Variants in GRM8 observed in about 807,000 individuals in gnomAD.
GRM8 encodes metabotropic glutamate receptor 8.
Under a neutral mutation model 87.2 loss-of-function variants are expected in GRM8, and 47 were observed. That is an observed-to-expected ratio of 0.54 (90% CI 0.43 to 0.69). The LOEUF (loss-of-function observed/expected upper bound fraction) is 0.69, where lower values mean the gene tolerates loss of function less well. Ranked by LOEUF, GRM8 falls within the 30% of genes least tolerant of loss-of-function variation. GRM8 has a pLI of 0.00. For missense variants in GRM8, 1,019 were observed against 1,139.2 expected (o/e 0.89, Z 1.52); for synonymous variants, 396 against 404.5 (o/e 0.98, Z 0.25).
intron 7 of GRM8, among the ~76,000 whole-genome samples, chr7:126,657,475 C>A (rs1804652692): frequency 6.6e-6 from 1 of 152,154 alleles, no homozygotes; most frequent in Non-Finnish European, 1.5e-5. Context: ...AATTACACAG[C>A]ATTAGTAAAC....
At chr7:126,855,301 G>GTATATTTTATT (rs1797573934) in intron 6 of GRM8, among the ~76,000 whole-genome samples, 1 of 152,044 alleles carries the variant, frequency 6.6e-6, no homozygotes, top group Non-Finnish European at 1.5e-5. Flanking sequence ...CATTGTGCTA[G>GTATATTTTATT]CTAACTTGCA....
At chr7:126,661,427 T>G (rs180920523) in intron 7 of GRM8, among the ~76,000 whole-genome samples, 1 of 152,218 alleles carries the variant, frequency 6.6e-6, no homozygotes, top group African/African-American at 2.4e-5. Context: ...GGTTTCTAAG[T>G]GTACCCTTGT....
At position 127,225,323 on chromosome 7, in the gene GRM8, C is replaced by T. The variant is rs1797252052; in HGVS notation, c.510+17372G>A. On this transcript the variant is annotated intron_variant, in intron 2 of 10. Coordinates refer to ENST00000339582, the MANE Select transcript of GRM8 (RefSeq NM_000845.3). ...CTTATGGAAGGCTCTTCTCAAAGCCCGCAGGCTGACCTGCCAGCACACCCA... is the reference window on the plus strand; with the variant it reads ...CTTATGGAAGGCTCTTCTCAAAGCCTGCAGGCTGACCTGCCAGCACACCCA... 3.3e-5 allele frequency among the ~76,000 whole-genome samples: 5 copies of T among 152,286 alleles called. No individual in the cohort carries two copies. The South Asian group carries it at 8.3e-4, about 25-fold the overall frequency.
At chr7:127,027,248 T>C (rs184276221) in intron 3 of GRM8, among the ~76,000 whole-genome samples, 12 of 152,304 alleles carry the variant, frequency 7.9e-5, no homozygotes, top group African/African-American at 2.6e-4. Flanking sequence ...CCTTGTAGTA[T>C]AGTTTGAAGT....
chr7:127,031,828 A>G (rs1172158710), intron 3 of GRM8, among the ~76,000 whole-genome samples: 3 of 152,148 alleles, frequency 2.0e-5, no homozygotes, highest in African/African-American at 7.2e-5. Flanking sequence ...CTTAAGCTCC[A>G]TAAGTGCCTG....
chr7:126,487,135 T>G (rs1807462745), intron 9 of GRM8, among the ~76,000 whole-genome samples: 1 of 152,004 alleles, frequency 6.6e-6, no homozygotes, highest in African/African-American at 2.4e-5. Flanking sequence ...TATTGAGGAG[T>G]GGCTTCTTTT....
At chr7:127,249,917 T>C (rs1471256615) in intron 1 of GRM8, among the ~76,000 whole-genome samples, 2 of 152,174 alleles carry the variant, frequency 1.3e-5, no homozygotes, top group Non-Finnish European at 2.9e-5. Flanking sequence ...GTCTTGGCTG[T>C]GGGTCCAGGA....
At chr7:127,135,467 C>T (rs557722839) in intron 2 of GRM8, among the ~76,000 whole-genome samples, 10 of 151,528 alleles carry the variant, frequency 6.6e-5, no homozygotes, top group African/African-American at 2.4e-4. Flanking sequence ...CTGATCTTTC[C>T]CCACCTTCCC....
chr7:126,800,040 A>G (rs1304823765), intron 6 of GRM8, among the ~76,000 whole-genome samples: 1 of 152,136 alleles, frequency 6.6e-6, no homozygotes, highest in African/African-American at 2.4e-5. Context: ...ACTTTACAAA[A>G]TCAGAAAGTG....
At chr7:126,683,635 G>A (rs1285098972) in intron 7 of GRM8, among the ~76,000 whole-genome samples, 1 of 151,970 alleles carries the variant, frequency 6.6e-6, no homozygotes, top group Non-Finnish European at 1.5e-5. Context: ...AGTATATATT[G>A]CATTAATTAA....
intron 2 of GRM8, among the ~76,000 whole-genome samples, chr7:127,155,482 T>A (rs1461290819): frequency 6.6e-6 from 1 of 152,162 alleles, no homozygotes; most frequent in African/African-American, 2.4e-5. Flanking sequence ...GTCAAAGAGA[T>A]ATATTGCATA....
chr7:127,163,490 G>C (rs1223040442), intron 2 of GRM8, among the ~76,000 whole-genome samples: 1 of 151,398 alleles, frequency 6.6e-6, no homozygotes, highest in African/African-American at 2.5e-5. Flanking sequence ...GGTTCCCCCT[G>C]TAACTAGGGC....
intron 8 of GRM8, among the ~76,000 whole-genome samples, chr7:126,542,505 G>T (rs1249464863): frequency 6.6e-6 from 1 of 152,206 alleles, no homozygotes; most frequent in Non-Finnish European, 1.5e-5. Flanking sequence ...TTTCTCAGGG[G>T]AGGTGAGACT....
chr7:126,635,075 C>G (rs1456256101), intron 7 of GRM8, among the ~76,000 whole-genome samples: 1 of 152,128 alleles, frequency 6.6e-6, no homozygotes, highest in African/African-American at 2.4e-5. Context: ...AATTAAATGA[C>G]TAAACATTTA....
intron 2 of GRM8, among the ~76,000 whole-genome samples, chr7:127,166,291 T>C (rs558663052): frequency 4.6e-5 from 7 of 152,296 alleles, no homozygotes; most frequent in African/African-American, 1.7e-4. Context: ...TTTTTCCTTC[T>C]TCTTTATGCA....
rs1807596757 is a variant in GRM8 at position 126,946,902 on chromosome 7, C to T, written c.728-42219G>A. Among the ~76,000 whole-genome samples the T allele has an allele frequency of 2.0e-5, 3 of 152,196 alleles. No individual in the cohort carries two copies. In the South Asian group the frequency reaches 6.2e-4, roughly 32 times the overall value. On this transcript the variant is annotated intron_variant, in intron 3 of 10. Transcript: ENST00000339582. ...GGTGACCTGCTGATTCATACCTAGA[C>T]ACAATATATAACAATTCCAAGCCTT...
Position 127,243,230 on chromosome 7 carries a change from C to T in GRM8, c.-26G>A. The T allele has an allele frequency of 6.3e-7, 1 of 1,582,466 alleles. No individual in the cohort carries two copies. Among genetic ancestry groups the T allele is most frequent in the Non-Finnish European group, 8.5e-7 (1 of 1,170,146 alleles). On this transcript the variant is annotated 5_prime_UTR_variant, in exon 2 of 11. Transcript: ENST00000339582. ...TTTCTCCACAGGTGGTATTGCAATC[C>T]AAGACCCAAAGTTTATTCTTGCCAC... is the stretch of plus-strand genomic sequence containing the variant.
intron 8 of GRM8, among the ~76,000 whole-genome samples, chr7:126,573,145 G>A (rs1053178903): frequency 1.1e-4 from 16 of 152,106 alleles, no homozygotes; most frequent in Non-Finnish European, 1.8e-4. Flanking sequence ...AGTGGGAAAT[G>A]GAATCTTAGT....
At chr7:127,238,130 T>C (rs539151967) in intron 2 of GRM8, among the ~76,000 whole-genome samples, 15 of 152,226 alleles carry the variant, frequency 9.9e-5, no homozygotes, top group Non-Finnish European at 1.5e-4. Flanking sequence ...GCCCCTGAGG[T>C]GTCGTTTATA....
Sources: allele counts gnomAD v4.1 joint callset (sites outside exome capture counted in the v4.1 genomes callset), GRCh38; gene constraint gnomAD v4.1.1; transcripts MANE v1.5; gene names NCBI Gene and HGNC (gene_info 2026-07-23, HGNC 2026-07-21).